The following KDM2B variants were observed in gnomAD, a reference collection of about 807,000 sequenced individuals.
The protein encoded by KDM2B is lysine demethylase 2B.
In KDM2B, 26 loss-of-function variants were observed where a neutral mutation model predicts 150.0. The ratio of observed to expected loss-of-function variants is 0.17; its 90% CI spans 0.13 to 0.24. The LOEUF (loss-of-function observed/expected upper bound fraction) is 0.24. Ranked by LOEUF, KDM2B falls within the 10% of genes least tolerant of loss-of-function variation. The probability of loss-of-function intolerance (pLI) is 1.00; values close to 1 mark genes in which losing one functional copy is unlikely to be tolerated. For missense variants in KDM2B, 1,265 were observed against 1,816.9 expected (o/e 0.70, Z 5.52); for synonymous variants, 734 against 729.5 (o/e 1.01, Z -0.10).
intron 11 of KDM2B, among the ~76,000 whole-genome samples, chr12:121,502,923 T>A (rs1555302299): frequency 6.6e-6 from 1 of 151,170 alleles, no homozygotes; most frequent in East Asian, 1.9e-4. Context: ...AAAGACTCCA[T>A]CTTGGTAAAA....
intron 12 of KDM2B, among the ~76,000 whole-genome samples, chr12:121,486,360 T>TTA (rs1555298929): frequency 4.3e-5 from 6 of 140,778 alleles, no homozygotes; most frequent in Admixed American, 7.1e-5. Context: ...TTTTTTTTTT[T>TTA]AGGGGAAACG....
intron 6 of KDM2B, among the ~76,000 whole-genome samples, chr12:121,547,815 G>A (rs1555311003): frequency 1.3e-5 from 2 of 151,856 alleles, no homozygotes; most frequent in Admixed American, 6.6e-5. Context: ...GTCAATTTTT[G>A]TATTTTTCGT....
In KDM2B at chr12:121,575,932, G is replaced by T; in HGVS notation, c.272-73C>A. The T allele has an allele frequency of 1.7e-6, 2 of 1,186,940 alleles. No homozygotes were observed. The highest frequency in any genetic ancestry group is 1.2e-5 in the South Asian group (1 of 82,176). 73.5% of individuals were successfully genotyped at this position (1,186,940 alleles called of 1,614,324 possible). A position where few individuals can be genotyped will look rare whatever the true frequency, so the allele number is the denominator to read the frequency against. On this transcript the variant is annotated intron_variant, in intron 2 of 22. Transcript: ENST00000377071. The surrounding 1 kb of genome is among the most constrained non-coding windows in gnomAD (Gnocchi z 4.4). ...CAAATGAACCGGGATCTGTTGGTTA[G>T]GGGAAGAAAACTGATGGACGAAGGG...
rs1877562630 is a variant in KDM2B at position 121,452,993 on chromosome 12, C to G, written c.1959+127G>C. The G allele has an allele frequency of 4.7e-6, 4 of 858,234 alleles. No individual in the cohort carries two copies. In the Admixed American group the frequency reaches 1.2e-4, roughly 26 times the overall value. 53.2% of individuals were successfully genotyped at this position (858,234 alleles called of 1,614,324 possible). ...CGCCTTCCCGTCCACAGGAAGAGCT[C>G]TCGGGGAGTCCACAGCCCCGGCTTC... On this transcript the variant is annotated intron_variant, in intron 13 of 22. Coordinates refer to ENST00000377071, the MANE Select transcript of KDM2B (RefSeq NM_032590.5). The surrounding 1 kb of genome is among the most constrained non-coding windows in gnomAD (Gnocchi z 4.4).
chr12:121,481,313 G>T (rs1201154320), intron 12 of KDM2B, among the ~76,000 whole-genome samples: 8 of 152,156 alleles, frequency 5.3e-5, no homozygotes, highest in Admixed American at 5.2e-4. Context: ...TTTAGAGCAG[G>T]TTTGCACCTA....
chr12:121,479,380 T>C (rs1026509150), intron 12 of KDM2B, among the ~76,000 whole-genome samples: 8 of 144,052 alleles, frequency 5.6e-5, no homozygotes, highest in Middle Eastern at 3.6e-3. Context: ...GGCAGGAGAA[T>C]GGCGTGAACC....
chr12:121,549,073 C>G lies in KDM2B; in HGVS notation c.577-90G>C, dbSNP rs551199929. On this transcript the variant is annotated intron_variant, in intron 5 of 22. Coordinates refer to ENST00000377071, the MANE Select transcript of KDM2B (RefSeq NM_032590.5). The surrounding 1 kb of genome is among the most constrained non-coding windows in gnomAD (Gnocchi z 4.4). The stretch of plus-strand genomic sequence containing the variant: ...TCCCCGGAGAGTCCTTGGGCCCCCC[C>G]GCTCCCCCAATCTACTGTGGGCTCA... The G allele has an allele frequency of 4.2e-5, 43 of 1,034,900 alleles. No homozygotes were observed. Among genetic ancestry groups the G allele is most frequent in the South Asian group, 2.7e-5 (2 of 73,224 alleles). 64.1% of individuals were successfully genotyped at this position (1,034,900 alleles called of 1,614,324 possible).
At chr12:121,500,549 C>G (rs1429836773) in intron 11 of KDM2B, among the ~76,000 whole-genome samples, 3 of 152,244 alleles carry the variant, frequency 2.0e-5, no homozygotes, top group Non-Finnish European at 2.9e-5. Context: ...AAACTCCCTC[C>G]ATGCCATGAC....
intron 6 of KDM2B, among the ~76,000 whole-genome samples, chr12:121,540,523 C>T (rs1297640538): frequency 2.0e-5 from 3 of 151,034 alleles, no homozygotes; most frequent in Admixed American, 6.6e-5. Flanking sequence ...CTGAGGCAGG[C>T]GGATCACCTG....
Position 121,509,958 on chromosome 12 carries a change from G to T in KDM2B, c.1256C>A (p.Pro419His), listed in dbSNP as rs146581489. The change falls in exon 11 of 23, where the codon CCT becomes CAT. Residue 419 changes from proline (P) to histidine (H), a missense_variant. Pro to His is a moderately conservative substitution (Grantham distance 77). Around this residue, in one of 11 missense-constraint regions of KDM2B, gnomAD observed 154 missense variants for 162.5 expected, o/e 0.95. Transcript: ENST00000377071. ...EMEEEACDQQ[P>H]QEEEEKDEEG... is the part of the protein sequence containing the mutation. The stretch of plus-strand genomic sequence containing the variant: ...CTCGTCCTTCTCCTCCTCCTCCTGA[G>T]GCTGCTGATCACAGGCCTCCTCCTC... 6.2e-7 allele frequency: 1 copy of T among 1,610,320 alleles called. No individual in the cohort carries two copies. Among genetic ancestry groups the T allele is most frequent in the South Asian group, 1.1e-5 (1 of 90,726 alleles).
At chr12:121,565,468 C>A (rs1026795164) in intron 4 of KDM2B, among the ~76,000 whole-genome samples, 26 of 152,248 alleles carry the variant, frequency 1.7e-4, no homozygotes, top group African/African-American at 6.3e-4. Context: ...CAGGCATGTG[C>A]CACCACGCCC....
rs1337714861 is a variant in KDM2B at position 121,521,963 on chromosome 12, G to A, written c.932-863C>T. Among the ~76,000 whole-genome samples, 1 of 152,058 alleles carries A rather than the reference G, an allele frequency of 6.6e-6. No individual in the cohort carries two copies. Among genetic ancestry groups the A allele is most frequent in the Admixed American group, 6.6e-5 (1 of 15,244 alleles). On this transcript the variant is annotated intron_variant, in intron 8 of 22. Transcript: ENST00000377071. This position sits in a 1 kb window ranked among gnomAD's most constrained non-coding sequence, Gnocchi z 4.9. Reference sequence around the variant, plus strand: ...ATCTCTAAAAAAAATTAAATAAATAGCAGGGCATGGTGGTGCACACCTGCG... The same window carrying A: ...ATCTCTAAAAAAAATTAAATAAATAACAGGGCATGGTGGTGCACACCTGCG...
At chr12:121,570,744 T>C (rs1891031988) in intron 4 of KDM2B, among the ~76,000 whole-genome samples, 1 of 152,176 alleles carries the variant, frequency 6.6e-6, no homozygotes, top group Non-Finnish European at 1.5e-5. Flanking sequence ...ACACAGCTGC[T>C]TTGGTAAACA....
Position 121,509,929 on chromosome 12 carries a change from C to T in KDM2B, c.1285G>A (p.Gly429Ser). 6.2e-7 allele frequency: 1 copy of T among 1,612,966 alleles called. No individual in the cohort carries two copies. Among genetic ancestry groups the T allele is most frequent in the Non-Finnish European group, 8.5e-7 (1 of 1,179,680 alleles). The change falls in exon 11 of 23, where the codon GGC (glycine) becomes AGC (serine). Residue 429 changes from glycine (G) to serine (S), a missense_variant. Gly to Ser is a moderately conservative substitution (Grantham distance 56). Around this residue, in one of 11 missense-constraint regions of KDM2B, gnomAD observed 154 missense variants for 162.5 expected, o/e 0.95. Coordinates refer to ENST00000377071, the MANE Select transcript of KDM2B (RefSeq NM_032590.5). ...PQEEEEKDEEGEGRDRAPKPP... is the reference protein window; with the variant it reads ...PQEEEEKDEESEGRDRAPKPP... ...TTGGGTGCCCTGTCCCTGCCCTCGCCCTCCTCGTCCTTCTCCTCCTCCTCC... is the reference window on the plus strand; with the variant it reads ...TTGGGTGCCCTGTCCCTGCCCTCGCTCTCCTCGTCCTTCTCCTCCTCCTCC...
At chr12:121,481,763 T>TTTTGTTTGTTTGTTTG (rs59507585) in intron 12 of KDM2B, among the ~76,000 whole-genome samples, 13 of 148,706 alleles carry the variant, frequency 8.7e-5, no homozygotes, top group African/African-American at 3.3e-4. Flanking sequence ...TTAGGGTTTT[T>TTTTGTTTGTTTGTTTG]TTTGTTTGTT....
intron 4 of KDM2B, among the ~76,000 whole-genome samples, chr12:121,567,769 G>C (rs1555315239): frequency 7.0e-6 from 1 of 143,238 alleles, no homozygotes; most frequent in Non-Finnish European, 1.5e-5. Context: ...GGAGTATAGT[G>C]GTGCAATCTC....
In KDM2B at chr12:121,443,724, G is replaced by C. The variant is rs373936120; in HGVS notation, c.2521C>G (p.Leu841Val). The C allele has an allele frequency of 1.9e-6, 3 of 1,612,108 alleles. No homozygotes were observed. The highest frequency in any genetic ancestry group is 2.5e-6 in the Non-Finnish European group (3 of 1,179,866). The change falls in exon 17 of 23, where the codon CTC becomes GTC. Residue 841 changes from leucine to valine, a missense_variant. Around this residue, in one of 11 missense-constraint regions of KDM2B, gnomAD observed 418 missense variants for 402.4 expected, o/e 1.04. Transcript: ENST00000377071. ...AGACTGGATCTCCACCAGGGGCTGA[G>C]GCTGCTGCCTAGAGGGGGCCTCGGC... Reference protein sequence around the residue: ...LSPRPPLGSSLSPWWRSSLTY... With the variant: ...LSPRPPLGSSVSPWWRSSLTY...
intron 13 of KDM2B, among the ~76,000 whole-genome samples, chr12:121,449,742 C>CCAGT (rs1177453450): frequency 2.0e-5 from 3 of 152,114 alleles, no homozygotes; most frequent in Admixed American, 2.0e-4. Context: ...TCACATGGAC[C>CCAGT]CAGTCTCCAA....
At chr12:121,579,393 G>GAAGCCGGA (rs1245261571) in intron 1 of KDM2B, among the ~76,000 whole-genome samples, 1 of 152,210 alleles carries the variant, frequency 6.6e-6, no homozygotes, top group Non-Finnish European at 1.5e-5. Flanking sequence ...GCAGAGCCGG[G>GAAGCCGGA]AAGCCGGAAC....
Sources: gnomAD v4.1 joint callset for allele counts (sites outside exome capture counted in the v4.1 genomes callset) on GRCh38, gnomAD v4.1.1 for gene constraint, gnomAD v4.1.1 regional missense constraint, Gnocchi (gnomAD v3.1) non-coding constraint, MANE v1.5 for transcripts, NCBI Gene and HGNC (gene_info 2026-07-23, HGNC 2026-07-21) for gene names.